ZMYM5: variants seen among roughly 807,000 people sequenced by gnomAD.
ZMYM5 encodes the protein zinc finger MYM-type containing 5.
Under a neutral mutation model 61.8 loss-of-function variants are expected in ZMYM5, and 41 were observed. That is an observed-to-expected ratio of 0.66 (90% CI 0.52 to 0.86). ZMYM5 has a LOEUF of 0.86. Ranked by LOEUF, ZMYM5 falls within the 40% of genes least tolerant of loss-of-function variation. ZMYM5 has a pLI of 0.00. For synonymous variants in ZMYM5, 257 were observed against 276.4 expected (o/e 0.93, Z 0.70); for missense variants, 706 against 786.7 (o/e 0.90, Z 1.23).
intron 7 of ZMYM5, among the ~76,000 whole-genome samples, chr13:19,826,141 T>C (rs893641132): frequency 1.3e-5 from 2 of 150,258 alleles, no homozygotes; most frequent in East Asian, 3.9e-4. Flanking sequence ...TGTAAAGTGG[T>C]GTAGCCACTT....
intron 7 of ZMYM5, among the ~76,000 whole-genome samples, chr13:19,829,393 G>C (rs945814190): frequency 6.6e-6 from 1 of 152,262 alleles, no homozygotes. Context: ...CCAGGCTCAA[G>C]TGATCCTCCG....
In ZMYM5 at chr13:19,852,002, ACATCAT is replaced by A. The variant is rs112044779; in HGVS notation, c.173_178del (p.Asp58_Asp59del). Reference sequence around the variant, plus strand: ...AGGTTGTATAGATTCAATAAACACAACATCATCATCATCATCATCATCTTCCACTGG... The same window carrying A: ...AGGTTGTATAGATTCAATAAACACAACATCATCATCATCATCTTCCACTGG... On this transcript the variant is annotated inframe_deletion, in exon 3 of 8. Transcript: ENST00000337963. 5.6e-6 allele frequency: 9 copies of A among 1,613,162 alleles called. No homozygotes were observed. In the Middle Eastern group the frequency reaches 5.0e-4, roughly 89 times the overall value.
At chr13:19,839,526 T>G (rs980464396) in intron 4 of ZMYM5, among the ~76,000 whole-genome samples, 1 of 151,924 alleles carries the variant, frequency 6.6e-6, no homozygotes, top group Non-Finnish European at 1.5e-5. Context: ...GTAGCTGGGA[T>G]TACCCAGCTA....
chr13:19,824,566 C>T lies in ZMYM5; in HGVS notation c.1921G>A (p.Asp641Asn), dbSNP rs1890814974. Residue 641 changes from aspartate to asparagine, a missense_variant, in exon 8 of 8, where the codon GAT becomes AAT. Around this residue, in one of 2 missense-constraint regions of ZMYM5, gnomAD observed 226 missense variants for 325.0 expected, o/e 0.70. Transcript: ENST00000337963. Reference protein sequence around the residue: ...NSVKYSKLKSDLKKNKAIDAA... With the variant: ...NSVKYSKLKSNLKKNKAIDAA... ...TCAATAGCTTTATTTTTTTTCAGAT[C>T]AGATTTTAATTTTGAGTACTTAACA... 3 of 1,315,932 alleles carry T rather than the reference C, an allele frequency of 2.3e-6. No homozygotes were observed. Among genetic ancestry groups the T allele is most frequent in the Admixed American group, 2.5e-5 (1 of 40,730 alleles). 81.5% of individuals were successfully genotyped at this position (1,315,932 alleles called of 1,614,324 possible).
At chr13:19,863,005 G>A (rs1953828821) in intron 1 of ZMYM5, among the ~76,000 whole-genome samples, 1 of 152,248 alleles carries the variant, frequency 6.6e-6, no homozygotes, top group African/African-American at 2.4e-5. Context: ...AGGGGACCCA[G>A]CGGGGCAGAG....
Position 19,851,751 on chromosome 13 carries a change from G to C in ZMYM5, c.430C>G (p.Pro144Ala). The change falls in exon 3 of 8, where the codon CCT becomes GCT. Residue 144 changes from proline (P) to alanine (A), a missense_variant. Pro to Ala is a conservative substitution (Grantham distance 27). Transcript: ENST00000337963. ...KSSCFIEWGL[P>A]GTKNKTNDLD... ...TCGTTGGTTTTGTTTTTAGTTCCAG[G>C]AAGTCCCCATTCGATAAAACAGGAA... The C allele has an allele frequency of 3.8e-6, 6 of 1,594,716 alleles. No homozygotes were observed. Among genetic ancestry groups the C allele is most frequent in the Non-Finnish European group, 5.1e-6 (6 of 1,175,230 alleles).
chr13:19,834,443 TA>T (rs1485381720), intron 7 of ZMYM5, among the ~76,000 whole-genome samples: 1 of 151,228 alleles, frequency 6.6e-6, no homozygotes, highest in Non-Finnish European at 1.5e-5. Flanking sequence ...AACAGACAAC[TA>T]CCACATTTTA....
chr13:19,834,558 G>C (rs1227935053), intron 7 of ZMYM5, among the ~76,000 whole-genome samples: 1 of 152,108 alleles, frequency 6.6e-6, no homozygotes. Context: ...AAAGTGCAGG[G>C]ATTACAGGCG....
intron 2 of ZMYM5, among the ~76,000 whole-genome samples, chr13:19,858,639 C>T (rs141822776): frequency 0.011 from 1,696 of 147,840 alleles, 31 homozygotes; most frequent in African/African-American, 0.038. Flanking sequence ...CAACTAACTT[C>T]GTTCCCTTCC....
intron 7 of ZMYM5, among the ~76,000 whole-genome samples, chr13:19,834,046 C>T (rs9552011): frequency 0.69 from 104,665 of 152,146 alleles, 38,680 homozygotes; most frequent in East Asian, 0.89. Context: ...GCGCAATCTC[C>T]GCTCACTGCA....
At position 19,853,593 on chromosome 13, in the gene ZMYM5, T is replaced by C. The variant is rs180692044; in HGVS notation, c.-10-1403A>G. Among the ~76,000 whole-genome samples the C allele has an allele frequency of 5.6e-3, 843 of 151,488 alleles. 4 individuals carry two copies. The highest frequency in any genetic ancestry group is 8.2e-3 in the Non-Finnish European group (557 of 67,848). On this transcript the variant is annotated intron_variant, in intron 2 of 7. Transcript: ENST00000337963. ...CAGGAATGAGCCACCACAACAGGCG[T>C]GGCCTCAGTTTTTTTTTTCTTTCTT...
rs756136097 is a variant in ZMYM5, at chr13:19,835,597, C to G, written c.1131G>C (p.Met377Ile). The G allele has an allele frequency of 7.3e-7, 1 of 1,367,656 alleles. No homozygotes were observed. Among genetic ancestry groups the G allele is most frequent in the Non-Finnish European group, 9.8e-7 (1 of 1,021,842 alleles). The allele number at this position is 1,367,656 out of a possible 1,614,324, so 84.7% of individuals were successfully genotyped here. Reference protein sequence around the residue: ...NKYRLANGLIMNCCEHCGEYM... With the variant: ...NKYRLANGLIINCCEHCGEYM... ...ACTCTCCACAGTGTTCACAGCAGTT[C>G]ATTATTAGACCATTGGCCAATCTGT... The change falls in exon 7 of 8, where the codon ATG becomes ATC. Residue 377 changes from methionine (M) to isoleucine (I), a missense_variant. Met to Ile is a conservative substitution (Grantham distance 10). This residue lies in a region of ZMYM5 where 480 missense variants were observed against 461.7 expected (regional missense o/e 1.04). Coordinates refer to ENST00000337963, the MANE Select transcript of ZMYM5 (RefSeq NM_001142684.2).
At chr13:19,847,983 A>AT (rs898522394) in intron 4 of ZMYM5, among the ~76,000 whole-genome samples, 29 of 143,542 alleles carry the variant, frequency 2.0e-4, no homozygotes, top group Non-Finnish European at 4.0e-4. Flanking sequence ...ATTTTATCTT[A>AT]TTTTTTGAAA....
chr13:19,836,070 C>T (rs150735006), intron 6 of ZMYM5, among the ~76,000 whole-genome samples: 1,843 of 152,210 alleles, frequency 0.012, 39 homozygotes, highest in African/African-American at 0.041. Context: ...GTGATCTGCC[C>T]GCCTTGGCCT....
chr13:19,829,242 AC>A (rs1193876724), intron 7 of ZMYM5, among the ~76,000 whole-genome samples: 1 of 152,150 alleles, frequency 6.6e-6, no homozygotes, highest in African/African-American at 2.4e-5. Context: ...ACCACTTACA[AC>A]CTTTTAAAAT....
chr13:19,841,164 C>T (rs938097448), intron 4 of ZMYM5, among the ~76,000 whole-genome samples: 1 of 151,894 alleles, frequency 6.6e-6, no homozygotes, highest in African/African-American at 2.4e-5. Context: ...GGGGTTTCAC[C>T]ATGTTGGTCA....
intron 7 of ZMYM5, among the ~76,000 whole-genome samples, chr13:19,832,708 T>C (rs565427941): frequency 6.6e-6 from 1 of 152,268 alleles, no homozygotes; most frequent in African/African-American, 2.4e-5. Context: ...AGAAGGTCAG[T>C]AGGTTACTTT....
At position 19,840,919 on chromosome 13, in the gene ZMYM5, C is replaced by T. The variant is rs552803525; in HGVS notation, c.587-1934G>A. On this transcript the variant is annotated intron_variant, in intron 4 of 7. Coordinates refer to ENST00000337963, the MANE Select transcript of ZMYM5 (RefSeq NM_001142684.2). ...GTCTTGATCTCCTGACCTCATGATC[C>T]ACCCGCCTTGGCCCCCCAAAGTGCT... Among the ~76,000 whole-genome samples, 199 of 151,992 alleles carry T rather than the reference C, an allele frequency of 1.3e-3. 1 individual carries two copies. The highest frequency in any genetic ancestry group is 4.7e-3 in the African/African-American group (193 of 41,448).
rs760244753 is a variant in ZMYM5 at position 19,860,430 on chromosome 13, T to TTG, written c.-11+1967_-11+1968dup. Among the ~76,000 whole-genome samples, 313 of 133,674 alleles carry TTG rather than the reference T, an allele frequency of 2.3e-3. 2 individuals carry two copies. The highest frequency in any genetic ancestry group is 5.7e-3 in the East Asian group (24 of 4,184). 87.7% of individuals were successfully genotyped at this position (133,674 alleles called of 152,430 possible). A position where few individuals can be genotyped will look rare whatever the true frequency, so the allele number is the denominator to read the frequency against. ...CATGTGCCACCAGGCCCGGCTAATT[T>TTG]TGTGTGTGTGTGTGTGTATGTGTGT... On this transcript the variant is annotated intron_variant, in intron 2 of 7. Transcript: ENST00000337963.
Sources: gnomAD v4.1 joint callset for allele counts (sites outside exome capture counted in the v4.1 genomes callset) on GRCh38, gnomAD v4.1.1 for gene constraint, gnomAD v4.1.1 regional missense constraint, MANE v1.5 for transcripts, NCBI Gene and HGNC (gene_info 2026-07-23, HGNC 2026-07-21) for gene names.